The following MGAT4C variants were observed in gnomAD, a reference collection of about 807,000 sequenced individuals.
MGAT4C encodes the protein MGAT4 family member C.
A neutral mutation model predicts 40.1 loss-of-function variants in MGAT4C; 19 were observed. The observed-to-expected ratio is 0.47, with a 90% CI of 0.33 to 0.70. The LOEUF (loss-of-function observed/expected upper bound fraction) is 0.70, where lower values mean the gene tolerates loss of function less well. Among genes scored for constraint, MGAT4C ranks in the 30% least tolerant of loss-of-function variants. MGAT4C has a pLI of 0.02. For synonymous variants in MGAT4C, 181 were observed against 187.1 expected, an observed-to-expected ratio of 0.97 and a Z score of 0.27; for missense variants, 491 against 563.2, an observed-to-expected ratio of 0.87 and a Z score of 1.30.
chr12:86,806,886 C>T (rs904765178), intron 1 of MGAT4C, among the ~76,000 whole-genome samples: 2 of 151,754 alleles, frequency 1.3e-5, no homozygotes, highest in Non-Finnish European at 2.9e-5. Flanking sequence ...AGGGATAGCA[C>T]TAGAGATATA....
chr12:86,183,184 T>G (rs1888317357), intron 1 of MGAT4C, among the ~76,000 whole-genome samples: 1 of 152,202 alleles, frequency 6.6e-6, no homozygotes, highest in Admixed American at 6.5e-5. Context: ...TGCATTTCTC[T>G]CCTATATTTT....
intron 2 of MGAT4C, among the ~76,000 whole-genome samples, chr12:86,455,175 G>T (rs757317793): frequency 2.0e-5 from 3 of 152,068 alleles, no homozygotes; most frequent in Admixed American, 1.3e-4. Context: ...TGAATGAAAA[G>T]AAATTAGTTT....
intron 3 of MGAT4C, among the ~76,000 whole-genome samples, chr12:86,347,080 T>C (rs1387396079): frequency 1.3e-5 from 2 of 152,138 alleles, no homozygotes; most frequent in Non-Finnish European, 2.9e-5. Context: ...TGTTGGGACT[T>C]GGACTGATCC....
intron 4 of MGAT4C, among the ~76,000 whole-genome samples, chr12:86,307,910 A>G (rs1236252832): frequency 2.0e-5 from 3 of 150,152 alleles, no homozygotes; most frequent in Non-Finnish European, 4.4e-5. Context: ...TCACCGTGTT[A>G]GCCAGGATGG....
rs1335638246 is a variant in MGAT4C, at chr12:86,037,740, G to A, written c.-7+11934C>T. ...TGGTCAATTTTAGAATATGTGGGAT[G>A]TGGTGCTGAGAAGAATGTATGTTCT... On this transcript the variant is annotated intron_variant, in intron 2 of 4. Coordinates refer to ENST00000611864, the MANE Select transcript of MGAT4C (RefSeq NM_001351288.2). Among the ~76,000 whole-genome samples, 18 of 149,968 alleles carry A rather than the reference G, an allele frequency of 1.2e-4. No homozygotes were observed. The Admixed American group carries it at 1.2e-3, about 10-fold the overall frequency.
chr12:86,592,677 T>G lies in MGAT4C; in HGVS notation c.-229+134532A>C, dbSNP rs1237745947. ...GTGAAATTCCCAGCTAGTGAACCAC[T>G]CTAGTGAGTCACTGGCCTCTATTCT... On this transcript the variant is annotated intron_variant, in intron 2 of 7. Coordinates refer to the MGAT4C transcript ENST00000548651. 4.6e-5 allele frequency among the ~76,000 whole-genome samples: 7 copies of G among 152,250 alleles called. No individual in the cohort carries two copies. The South Asian group carries it at 8.3e-4, about 18-fold the overall frequency.
chr12:86,721,714 C>T (rs1341632584), intron 2 of MGAT4C, among the ~76,000 whole-genome samples: 1 of 151,994 alleles, frequency 6.6e-6, no homozygotes, highest in Non-Finnish European at 1.5e-5. Context: ...AGAATTGGGA[C>T]TGTTTTTGCC....
chr12:86,443,719 G>A (rs1485935731), intron 2 of MGAT4C, among the ~76,000 whole-genome samples: 3 of 152,084 alleles, frequency 2.0e-5, no homozygotes, highest in South Asian at 2.1e-4. Context: ...TCAGCCTCCC[G>A]AGTAGCTGGG....
rs559414667 is a variant in MGAT4C at position 86,609,390 on chromosome 12, A to G, written c.-229+117819T>C. 3.3e-5 allele frequency among the ~76,000 whole-genome samples: 5 copies of G among 152,278 alleles called. No individual in the cohort carries two copies. The East Asian group carries it at 9.7e-4, about 29-fold the overall frequency. ...ATATTTGTTATGCTTATATCAACAA[A>G]ATAACCGTGGAAGCTGCATTAACTC... On this transcript the variant is annotated intron_variant, in intron 2 of 7. Coordinates refer to the MGAT4C transcript ENST00000548651.
rs370834701 is a variant in MGAT4C, at chr12:86,700,178, CAGAT to C, written c.-229+27027_-229+27030del. Among the ~76,000 whole-genome samples, 659 of 140,756 alleles carry C rather than the reference CAGAT, an allele frequency of 4.7e-3. 4 individuals are homozygous for C. The highest frequency in any genetic ancestry group is 0.036 in the East Asian group (166 of 4,644). 92.3% of individuals were successfully genotyped at this position (140,756 alleles called of 152,430 possible). On this transcript the variant is annotated intron_variant, in intron 2 of 7. Transcript: ENST00000548651. ...ACAGACAGACAGACAGACAGACAGA[CAGAT>C]AGATAGATAGATAGATAGATAGATA...
Position 85,978,624 on chromosome 12 carries a change from C to T in MGAT4C, c.*665G>A, listed in dbSNP as rs1384982989. ...GAAACTTGAAAAAGACTGCTTCCCC[C>T]AGAAAATTTATCAACAATAGGTGCT... On this transcript the variant is annotated 3_prime_UTR_variant, in exon 5 of 5. Coordinates refer to ENST00000611864, the MANE Select transcript of MGAT4C (RefSeq NM_001351288.2). 2.0e-5 allele frequency: 3 copies of T among 151,600 alleles called. No homozygotes were observed. The highest frequency in any genetic ancestry group is 2.1e-4 in the South Asian group (1 of 4,810). The allele number at this position is 151,600 out of a possible 1,614,324, so 9.4% of individuals were successfully genotyped here. A position where few individuals can be genotyped will look rare whatever the true frequency, so the allele number is the denominator to read the frequency against.
intron 1 of MGAT4C, among the ~76,000 whole-genome samples, chr12:86,822,251 A>C (rs1952719064): frequency 6.6e-6 from 1 of 151,162 alleles, no homozygotes; most frequent in Non-Finnish European, 1.5e-5. Flanking sequence ...ACTGAAAACA[A>C]ATCAACAAAA....
chr12:86,528,559 A>G (rs1958923642), intron 2 of MGAT4C, among the ~76,000 whole-genome samples: 1 of 152,088 alleles, frequency 6.6e-6, no homozygotes, highest in Non-Finnish European at 1.5e-5. Context: ...CATCCTATTA[A>G]TATTAAAGTG....
At chr12:86,666,421 A>C (rs1013077702) in intron 2 of MGAT4C, among the ~76,000 whole-genome samples, 1 of 151,698 alleles carries the variant, frequency 6.6e-6, no homozygotes, top group Non-Finnish European at 1.5e-5. Context: ...TACTGCATTA[A>C]AAAAAAATTC....
chr12:86,673,236 G>A (rs1198082358), intron 2 of MGAT4C, among the ~76,000 whole-genome samples: 4 of 152,152 alleles, frequency 2.6e-5, no homozygotes, highest in Non-Finnish European at 5.9e-5. Context: ...TTTTGGGCAA[G>A]TTACCTAAAC....
chr12:86,223,538 C>T (rs1031697777), intron 1 of MGAT4C, among the ~76,000 whole-genome samples: 2 of 152,182 alleles, frequency 1.3e-5, no homozygotes. Context: ...AGTGCCTTAC[C>T]CTCCCTAGAG....
intron 4 of MGAT4C, among the ~76,000 whole-genome samples, chr12:86,294,262 C>G (rs1010552562): frequency 2.0e-5 from 3 of 152,096 alleles, no homozygotes; most frequent in African/African-American, 7.2e-5. Flanking sequence ...CCATCCCTCT[C>G]CTGGATTGTC....
At chr12:86,638,137 C>T (rs561699618) in intron 2 of MGAT4C, among the ~76,000 whole-genome samples, 1 of 151,878 alleles carries the variant, frequency 6.6e-6, no homozygotes, top group East Asian at 1.9e-4. Context: ...AAATGTTGGA[C>T]TTACTGCATA....
intron 3 of MGAT4C, among the ~76,000 whole-genome samples, chr12:86,421,664 C>T (rs1053945715): frequency 2.6e-5 from 4 of 152,056 alleles, no homozygotes; most frequent in Non-Finnish European, 5.9e-5. Flanking sequence ...TTATCCAAGT[C>T]ACTCAGGGAG....
Sources: allele counts gnomAD v4.1 joint callset (sites outside exome capture counted in the v4.1 genomes callset), GRCh38; gene constraint gnomAD v4.1.1; transcripts MANE v1.5; gene names NCBI Gene and HGNC (gene_info 2026-07-23, HGNC 2026-07-21).